The following RASSF1 variants were observed in gnomAD, a reference collection of about 807,000 sequenced individuals.
The protein encoded by RASSF1 is ras association domain-containing protein 1.
Under a neutral mutation model 34.3 loss-of-function variants are expected in RASSF1, and 33 were observed. The observed-to-expected ratio is 0.96, with a 90% CI of 0.73 to 1.29. The LOEUF is 1.29. Among genes scored for constraint, RASSF1 ranks in the 50% most tolerant of loss-of-function variants. The probability of loss-of-function intolerance (pLI) is 0.00; values close to 1 mark genes in which losing one functional copy is unlikely to be tolerated. For synonymous variants in RASSF1, 191 were observed against 195.0 expected, an observed-to-expected ratio of 0.98 and a Z score of 0.17; for missense variants, 445 against 471.8, an observed-to-expected ratio of 0.94 and a Z score of 0.53.
At chr3:50,339,321 T>C (rs1161968683) in intron 1 of RASSF1, among the ~76,000 whole-genome samples, 1 of 152,102 alleles carries the variant, frequency 6.6e-6, no homozygotes, top group East Asian at 1.9e-4. Flanking sequence ...ATGGCTACTT[T>C]ATTTCTCTTT....
intron 5 of RASSF1, 129 bp downstream of exon 5, chr3:50,331,205 G>A (rs1702921133): frequency 2.8e-6 from 2 of 720,708 alleles, no homozygotes; most frequent in African/African-American, 1.8e-5. Context: ...TAGTTACAAT[G>A]CCTATACACT....
At chr3:50,337,612 A>T (rs748715471) in intron 2 of RASSF1, 104 of 1,139,206 alleles carry the variant, frequency 9.1e-5, no homozygotes, top group Middle Eastern at 2.0e-4. Flanking sequence ...CGTCCGGGCA[A>T]GCGCACAAGA....
At chr3:50,331,485 G>A in intron 4 of RASSF1, 36 bp from the exon 5 acceptor site, 1 of 1,569,352 alleles carries the variant, frequency 6.4e-7, no homozygotes, top group Non-Finnish European at 8.7e-7. Flanking sequence ...GACAGGGCCA[G>A]CTGCTCAGCC....
chr3:50,340,534 GGCGCGCGGGGCCACTACTCAC>G lies in RASSF1; in HGVS notation c.250+1_250+21del. On this transcript the variant is annotated splice_donor_variant and splice_donor_5th_base_variant and intron_variant, in intron 1 of 5. Coordinates refer to ENST00000359365, the MANE Select transcript of RASSF1 (RefSeq NM_007182.5). LOFTEE classifies it high-confidence loss of function. ...CTTGGCTGCCCCTTCCGCTCTCGTAGGCGCGCGGGGCCACTACTCACGCGCGCACTGCAGGCCTTTGCGCAC... is the reference window on the plus strand; with the variant it reads ...CTTGGCTGCCCCTTCCGCTCTCGTAGGCGCGCACTGCAGGCCTTTGCGCAC... 5.5e-6 allele frequency: 8 copies of G among 1,465,900 alleles called. No individual in the cohort carries two copies. The highest frequency in any genetic ancestry group is 7.2e-6 in the Non-Finnish European group (8 of 1,117,296). 90.8% of individuals were successfully genotyped at this position (1,465,900 alleles called of 1,614,324 possible).
Position 50,330,330 on chromosome 3 carries a change from G to C in RASSF1, c.*251C>G. On this transcript the variant is annotated 3_prime_UTR_variant, in exon 6 of 6. Coordinates refer to ENST00000359365, the MANE Select transcript of RASSF1 (RefSeq NM_007182.5). This position sits in a 1 kb window ranked among gnomAD's most constrained non-coding sequence, Gnocchi z 4.5. Reference sequence around the variant, plus strand: ...CTGCACCACTCCTGCTGCAGGCCTGGAGCAGCTTCTCAGGGCAGCCCTGGC... The same window carrying C: ...CTGCACCACTCCTGCTGCAGGCCTGCAGCAGCTTCTCAGGGCAGCCCTGGC... 2.1e-6 allele frequency: 1 copy of C among 469,242 alleles called. No individual in the cohort carries two copies. Among genetic ancestry groups the C allele is most frequent in the East Asian group, 3.7e-5 (1 of 27,276 alleles). 29.1% of individuals were successfully genotyped at this position (469,242 alleles called of 1,614,324 possible).
At chr3:50,339,657 C>G (rs1703292146) in intron 1 of RASSF1, among the ~76,000 whole-genome samples, 1 of 152,174 alleles carries the variant, frequency 6.6e-6, no homozygotes, top group Admixed American at 6.5e-5. Context: ...GCATGAGCCA[C>G]CGCGCTCGGC....
At chr3:50,331,509 G>T in intron 4 of RASSF1, 50 bp downstream of exon 4, 1 of 1,567,440 alleles carries the variant, frequency 6.4e-7, no homozygotes. Context: ...GCATGCTCAG[G>T]TGCATGCGTA....
Position 50,330,419 on chromosome 3 carries a change from G to T in RASSF1, c.*162C>A. ...CCATACCTGGCTACACCCACAGGTG[G>T]ACACAGGGAGCAAGCTACTTCGCTG... On this transcript the variant is annotated 3_prime_UTR_variant, in exon 6 of 6. Coordinates refer to ENST00000359365, the MANE Select transcript of RASSF1 (RefSeq NM_007182.5). The surrounding 1 kb of genome is among the most constrained non-coding windows in gnomAD (Gnocchi z 4.5). 1.0e-6 allele frequency: 1 copy of T among 991,724 alleles called. No individual in the cohort carries two copies. Among genetic ancestry groups the T allele is most frequent in the Non-Finnish European group, 1.5e-6 (1 of 681,934 alleles). 61.4% of individuals were successfully genotyped at this position (991,724 alleles called of 1,614,324 possible). A position where few individuals can be genotyped will look rare whatever the true frequency, so the allele number is the denominator to read the frequency against.
At position 50,332,707 on chromosome 3, in the gene RASSF1, G is replaced by A. The variant is rs148153099; in HGVS notation, c.358-553C>T. ...TTCAGGAGGCTGAGGTGGGAGGATC[G>A]TTTGAGCCCGGGAGATTGCAGCTAC... On this transcript the variant is annotated intron_variant, in intron 2 of 5. Coordinates refer to ENST00000359365, the MANE Select transcript of RASSF1 (RefSeq NM_007182.5). Among the ~76,000 whole-genome samples the A allele has an allele frequency of 7.2e-5, 11 of 152,234 alleles. No homozygotes were observed. In the East Asian group the frequency reaches 1.4e-3, roughly 19 times the overall value.
intron 2 of RASSF1, among the ~76,000 whole-genome samples, chr3:50,334,381 C>A (rs1407836505): frequency 2.0e-5 from 3 of 152,136 alleles, no homozygotes; most frequent in African/African-American, 7.2e-5. Flanking sequence ...CAGTGGGCAA[C>A]CTTGTCGGGT....
chr3:50,330,251 T>C lies in RASSF1; in HGVS notation c.*330A>G, dbSNP rs1398965098. The C allele has an allele frequency of 3.6e-6, 1 of 280,880 alleles. No homozygotes were observed. The highest frequency in any genetic ancestry group is 2.2e-5 in the African/African-American group (1 of 45,352). The allele number at this position is 280,880 out of a possible 1,614,324, so 17.4% of individuals were successfully genotyped here. A position where few individuals can be genotyped will look rare whatever the true frequency, so the allele number is the denominator to read the frequency against. On this transcript the variant is annotated 3_prime_UTR_variant, in exon 6 of 6. Coordinates refer to ENST00000359365, the MANE Select transcript of RASSF1 (RefSeq NM_007182.5). This position sits in a 1 kb window ranked among gnomAD's most constrained non-coding sequence, Gnocchi z 4.5. ...CCCTGCAAACATGACCCTGTTCTGT[T>C]TGCAGGGTCTCCAAGATTTTCACTT...
chr3:50,333,639 C>T (rs1703023056), intron 2 of RASSF1, among the ~76,000 whole-genome samples: 1 of 152,082 alleles, frequency 6.6e-6, no homozygotes, highest in Non-Finnish European at 1.5e-5. Context: ...ACAACAACAC[C>T]CGGCTAATTT....
Position 50,331,552 on chromosome 3 carries a change from A to G in RASSF1, c.760+7T>C, listed in dbSNP as rs375009448. 14 of 1,583,790 alleles carry G rather than the reference A, an allele frequency of 8.8e-6. 1 individual carries two copies. The highest frequency in any genetic ancestry group is 1.2e-5 in the Non-Finnish European group (14 of 1,157,784). ...TCACATAGGGCAGGGTGGGGTGGGA[A>G]GCCCACCTTGGCCGTGACGCTCAGC... On this transcript the variant is annotated splice_region_variant and intron_variant, in intron 4 of 5. Transcript: ENST00000359365.
At chr3:50,338,155 C>G (rs987463404) in intron 1 of RASSF1, 144 bp from the exon 2 acceptor site, 8 of 1,445,416 alleles carry the variant, frequency 5.5e-6, no homozygotes, top group Middle Eastern at 2.4e-4. Flanking sequence ...CACACTGCTA[C>G]GCGGACTCTA....
At chr3:50,338,841 T>A (rs587740421) in intron 1 of RASSF1, among the ~76,000 whole-genome samples, 1 of 152,310 alleles carries the variant, frequency 6.6e-6, no homozygotes, top group Admixed American at 6.5e-5. Flanking sequence ...TGTTCCATTC[T>A]CCATTCTCAC....
intron 2 of RASSF1, 176 bp downstream of exon 2, chr3:50,337,729 G>A (rs587640729): frequency 4.7e-6 from 4 of 858,188 alleles, no homozygotes; most frequent in South Asian, 1.8e-5. Flanking sequence ...AGTACTTGCG[G>A]AGCCGGCAAT....
Position 50,330,574 on chromosome 3 carries a change from C to G in RASSF1, c.*7G>C. 6.2e-7 allele frequency: 1 copy of G among 1,613,790 alleles called. No individual in the cohort carries two copies. The highest frequency in any genetic ancestry group is 8.5e-7 in the Non-Finnish European group (1 of 1,179,938). ...GCTGTCTGCCTTCCACCTGGGGGTACAAGAGGTCACCCAAGGGGGCAGGCG... is the reference window on the plus strand; with the variant it reads ...GCTGTCTGCCTTCCACCTGGGGGTAGAAGAGGTCACCCAAGGGGGCAGGCG... On this transcript the variant is annotated 3_prime_UTR_variant, in exon 6 of 6. Coordinates refer to ENST00000359365, the MANE Select transcript of RASSF1 (RefSeq NM_007182.5). This position sits in a 1 kb window ranked among gnomAD's most constrained non-coding sequence, Gnocchi z 4.5.
intron 2 of RASSF1, chr3:50,337,205 T>C: frequency 6.2e-7 from 1 of 1,612,524 alleles, no homozygotes; most frequent in Non-Finnish European, 8.5e-7. Context: ...GCTAGCGAGG[T>C]TCGCGCGGTG....
chr3:50,331,381 T>G lies in RASSF1; in HGVS notation c.829A>C (p.Lys277Gln). ...RLRLLAGPSD[K>Q]ALSFVLKEND... ...TCCTTCAGGACAAAGCTCAGGGCCT[T>G]GTCACTGGGCCCTGCCAGGAGCCGC... Residue 277 changes from lysine (K) to glutamine (Q), a missense_variant, in exon 5 of 6, where the codon AAG becomes CAG. Transcript: ENST00000359365. The G allele has an allele frequency of 6.2e-7, 1 of 1,606,968 alleles. No homozygotes were observed. The highest frequency in any genetic ancestry group is 1.1e-5 in the South Asian group (1 of 90,534).
Sources: gnomAD v4.1 joint callset for allele counts (sites outside exome capture counted in the v4.1 genomes callset) on GRCh38, gnomAD v4.1.1 for gene constraint, Gnocchi (gnomAD v3.1) non-coding constraint, MANE v1.5 for transcripts, NCBI Gene and HGNC (gene_info 2026-07-23, HGNC 2026-07-21) for gene names.